PLEKHM1: variants seen among roughly 807,000 people sequenced by gnomAD.
PLEKHM1 encodes the protein pleckstrin homology and RUN domain containing M1.
A neutral mutation model predicts 94.3 loss-of-function variants in PLEKHM1; 28 were observed. The ratio of observed to expected loss-of-function variants is 0.30; its 90% CI spans 0.22 to 0.41. The LOEUF (loss-of-function observed/expected upper bound fraction) is 0.41, where lower values mean the gene tolerates loss of function less well. Among genes scored for constraint, PLEKHM1 ranks in the 10% least tolerant of loss-of-function variants. The probability of loss-of-function intolerance (pLI) is 1.00; values close to 1 mark genes in which losing one functional copy is unlikely to be tolerated. For missense variants in PLEKHM1, 907 were observed against 1,358.6 expected, an observed-to-expected ratio of 0.67 and a Z score of 5.22; for synonymous variants, 424 against 581.2, an observed-to-expected ratio of 0.73 and a Z score of 3.89.
At chr17:45,450,506 G>A in intron 8 of PLEKHM1, 112 bp downstream of exon 8, 1 of 1,520,804 alleles carries the variant, frequency 6.6e-7, no homozygotes, top group Non-Finnish European at 9.0e-7. Context: ...AGTGACCCTG[G>A]CTTCCCTTGT....
At chr17:45,486,351 G>A (rs2052127127) in intron 1 of PLEKHM1, among the ~76,000 whole-genome samples, 1 of 151,618 alleles carries the variant, frequency 6.6e-6, no homozygotes, top group South Asian at 2.1e-4. Flanking sequence ...GGGAGGCCGA[G>A]GCGGGTGGAT....
At position 45,475,480 on chromosome 17, in the gene PLEKHM1, C is replaced by G; in HGVS notation, c.543G>C (p.Lys181Asn). 4.3e-6 allele frequency: 7 copies of G among 1,612,634 alleles called. No individual in the cohort carries two copies. Among genetic ancestry groups the G allele is most frequent in the Non-Finnish European group, 5.9e-6 (7 of 1,178,736 alleles). The change falls in exon 4 of 12, where the codon AAG becomes AAC. Residue 181 changes from lysine (K) to asparagine (N), a missense_variant. This residue lies in a region of PLEKHM1 where 176 missense variants were observed against 306.0 expected (regional missense o/e 0.58). Coordinates refer to ENST00000430334, the MANE Select transcript of PLEKHM1 (RefSeq NM_014798.3). ...GCGTCCACTCATTTAAGATGGCAGA[C>G]TTGTAGGAGAGTTCGAAGGACAAGG... ...LTSLSFELSY[K>N]SAILNEWTLT... is the part of the protein sequence containing the mutation.
rs539028922 is a variant in PLEKHM1, at chr17:45,453,699, T to C, written c.2153A>G (p.Asn718Ser). The C allele has an allele frequency of 6.2e-6, 10 of 1,613,846 alleles. No individual in the cohort carries two copies. The African/African-American group carries it at 1.3e-4, about 22-fold the overall frequency. Residue 718 changes from asparagine (N) to serine (S), a missense_variant, in exon 7 of 12, where the codon AAT becomes AGT. By Grantham distance (46) the Asn-to-Ser change is conservative. Transcript: ENST00000430334. This position sits in a 1 kb window ranked among gnomAD's most constrained non-coding sequence, Gnocchi z 4.1. Reference sequence around the variant, plus strand: ...GTGGCTGTCACTCAGCATCTTCTCATTGTTCCTGATGCGGAAACATTTCAG... The same window carrying C: ...GTGGCTGTCACTCAGCATCTTCTCACTGTTCCTGATGCGGAAACATTTCAG... ...EALKCFRIRNNEKMLSDSHGV... is the reference protein window; with the variant it reads ...EALKCFRIRNSEKMLSDSHGV...
chr17:45,469,936 G>A (rs1374957956), intron 4 of PLEKHM1, among the ~76,000 whole-genome samples: 1 of 152,132 alleles, frequency 6.6e-6, no homozygotes, highest in Non-Finnish European at 1.5e-5. Flanking sequence ...AGCCAGGCTT[G>A]GTGGCAGGCG....
At chr17:45,486,471 G>T (rs1247826954) in intron 1 of PLEKHM1, among the ~76,000 whole-genome samples, 1 of 151,684 alleles carries the variant, frequency 6.6e-6, no homozygotes, top group East Asian at 1.9e-4. Context: ...CTACTTGGGA[G>T]GCTGAGGCAG....
Position 45,490,318 on chromosome 17 carries a change from G to C in PLEKHM1, c.-42+334C>G, listed in dbSNP as rs540797580. On this transcript the variant is annotated intron_variant, in intron 1 of 11. Transcript: ENST00000430334. ...GAGAGGATGAGGTGTGTCAGGGCGGGGCGAAGGGACGTGGCCGAGATCGGT... is the reference window on the plus strand; with the variant it reads ...GAGAGGATGAGGTGTGTCAGGGCGGCGCGAAGGGACGTGGCCGAGATCGGT... Among the ~76,000 whole-genome samples, 69 of 152,196 alleles carry C rather than the reference G, an allele frequency of 4.5e-4. No individual in the cohort carries two copies. In the South Asian group the frequency reaches 0.014, roughly 30 times the overall value.
At chr17:45,479,472 C>G (rs1388193005) in intron 2 of PLEKHM1, among the ~76,000 whole-genome samples, 2 of 149,804 alleles carry the variant, frequency 1.3e-5, no homozygotes, top group African/African-American at 4.9e-5. Flanking sequence ...GAGCCAAGAT[C>G]GCACCACTGC....
chr17:45,452,024 T>A (rs1201504388), intron 7 of PLEKHM1, among the ~76,000 whole-genome samples: 1 of 152,172 alleles, frequency 6.6e-6, no homozygotes, highest in African/African-American at 2.4e-5. Context: ...CAGGCTTCCC[T>A]CCAGTCTGTG....
chr17:45,485,939 T>G (rs112995489), intron 1 of PLEKHM1, among the ~76,000 whole-genome samples: 20,116 of 141,782 alleles, frequency 0.14, 1,612 homozygotes, highest in Middle Eastern at 0.29. Context: ...ATTTATGGCA[T>G]GGCGCCGTGG....
At chr17:45,488,203 T>C (rs1331725452) in intron 1 of PLEKHM1, among the ~76,000 whole-genome samples, 1 of 152,184 alleles carries the variant, frequency 6.6e-6, no homozygotes, top group Non-Finnish European at 1.5e-5. Flanking sequence ...CTTTCCTCCC[T>C]CCTTCCTTCC....
chr17:45,480,116 C>A (rs1266163907), intron 2 of PLEKHM1, among the ~76,000 whole-genome samples: 1 of 152,080 alleles, frequency 6.6e-6, no homozygotes. Flanking sequence ...AAAATACACC[C>A]ATTTAAAGTA....
intron 4 of PLEKHM1, among the ~76,000 whole-genome samples, chr17:45,473,563 ATT>A (rs67210907): frequency 4.1e-5 from 6 of 147,228 alleles, no homozygotes; most frequent in Non-Finnish European, 7.5e-5. Context: ...AAAATCTTTT[ATT>A]TTTTTTTTTT....
At chr17:45,476,532 A>G (rs2051743909) in intron 3 of PLEKHM1, among the ~76,000 whole-genome samples, 2 of 152,104 alleles carry the variant, frequency 1.3e-5, no homozygotes, top group African/African-American at 4.8e-5. Context: ...CAATAAGGCA[A>G]CACGGGGTAA....
In PLEKHM1 at chr17:45,437,823, C is replaced by G. The variant is rs768697308; in HGVS notation, c.*35G>C. The G allele has an allele frequency of 2.0e-6, 3 of 1,500,044 alleles. No homozygotes were observed. The African/African-American group carries it at 4.1e-5, about 21-fold the overall frequency. The allele number at this position is 1,500,044 out of a possible 1,614,324, so 92.9% of individuals were successfully genotyped here. ...AGCCGGGATGGCTGAGCCACACTCA[C>G]CCCCGGCTTTCAGAGCGGGGTCAGC... On this transcript the variant is annotated 3_prime_UTR_variant, in exon 12 of 12. Transcript: ENST00000430334. This position sits in a 1 kb window ranked among gnomAD's most constrained non-coding sequence, Gnocchi z 4.0.
chr17:45,438,708 C>G (rs769773176), intron 11 of PLEKHM1, among the ~76,000 whole-genome samples: 2 of 152,054 alleles, frequency 1.3e-5, no homozygotes, highest in Non-Finnish European at 2.9e-5. Flanking sequence ...AGGTGCCCAC[C>G]ACCACACCTG....
Position 45,454,195 on chromosome 17 carries a change from G to A in PLEKHM1, c.1657C>T (p.Leu553Phe). Residue 553 changes from leucine (L) to phenylalanine (F), a missense_variant, in exon 7 of 12, where the codon CTC (leucine) becomes TTC (phenylalanine). Leu to Phe is a conservative substitution (Grantham distance 22). Transcript: ENST00000430334. ...RRGAMGIWKE[L>F]FCELSPLEFR... is the part of the protein sequence containing the mutation. ...TCCAGCGGGGAGAGCTCGCAGAAGA[G>A]CTCCTTCCAGATGCCCATTGCCCCC... The A allele has an allele frequency of 6.2e-7, 1 of 1,612,680 alleles. No homozygotes were observed. Among genetic ancestry groups the A allele is most frequent in the Non-Finnish European group, 8.5e-7 (1 of 1,179,486 alleles).
rs1283944169 is a variant in PLEKHM1 at position 45,436,924 on chromosome 17, A to T, written c.*934T>A. ...CCTGGCAGGGGTCAGTCAGGCAGAG[A>T]GTGTGACCCCGGGCACCCACCAAGG... On this transcript the variant is annotated 3_prime_UTR_variant, in exon 12 of 12. Transcript: ENST00000430334. The T allele has an allele frequency of 4.5e-6, 2 of 449,182 alleles. No individual in the cohort carries two copies. 27.8% of individuals were successfully genotyped at this position (449,182 alleles called of 1,614,324 possible).
chr17:45,437,266 G>A lies in PLEKHM1; in HGVS notation c.*592C>T, dbSNP rs1225187494. The A allele has an allele frequency of 4.4e-6, 2 of 453,986 alleles. No individual in the cohort carries two copies. The highest frequency in any genetic ancestry group is 8.8e-6 in the Non-Finnish European group (2 of 226,782). The allele number at this position is 453,986 out of a possible 1,614,324, so 28.1% of individuals were successfully genotyped here. A position where few individuals can be genotyped will look rare whatever the true frequency, so the allele number is the denominator to read the frequency against. ...TGAGGGGCGGTTTGGCACTGGCAGT[G>A]AGGGCCAAGGAAAGGCACTGGGTGG... On this transcript the variant is annotated 3_prime_UTR_variant, in exon 12 of 12. Coordinates refer to ENST00000430334, the MANE Select transcript of PLEKHM1 (RefSeq NM_014798.3). This position sits in a 1 kb window ranked among gnomAD's most constrained non-coding sequence, Gnocchi z 4.0.
intron 5 of PLEKHM1, among the ~76,000 whole-genome samples, chr17:45,465,333 G>T (rs560589161): frequency 6.6e-6 from 1 of 152,100 alleles, no homozygotes; most frequent in Non-Finnish European, 1.5e-5. Flanking sequence ...TGGGGATGGT[G>T]CTTTTGAGCT....
Sources: gnomAD v4.1 joint callset for allele counts (sites outside exome capture counted in the v4.1 genomes callset) on GRCh38, gnomAD v4.1.1 for gene constraint, gnomAD v4.1.1 regional missense constraint, Gnocchi (gnomAD v3.1) non-coding constraint, MANE v1.5 for transcripts, NCBI Gene and HGNC (gene_info 2026-07-23, HGNC 2026-07-21) for gene names.